BABAM2: variants seen among roughly 807,000 people sequenced by gnomAD.
BABAM2 encodes the protein BRISC and BRCA1 A complex member 2, also known as BRISC and BRCA1-A complex member 2.
In BABAM2, 31 loss-of-function variants were observed where a neutral mutation model predicts 54.7. The ratio of observed to expected loss-of-function variants is 0.57; its 90% CI spans 0.43 to 0.77. The LOEUF is 0.77. BABAM2 is among the 30% of genes least tolerant of loss of function. The pLI, the probability that BABAM2 is intolerant of heterozygous loss-of-function variation, is 0.00. For missense variants in BABAM2, 364 were observed against 455.8 expected, an observed-to-expected ratio of 0.80 and a Z score of 1.83; for synonymous variants, 167 against 162.9, an observed-to-expected ratio of 1.03 and a Z score of -0.19.
intron 6 of BABAM2, among the ~76,000 whole-genome samples, chr2:28,116,473 A>G (rs1668624853): frequency 6.6e-6 from 1 of 152,196 alleles, no homozygotes; most frequent in Admixed American, 6.5e-5. Flanking sequence ...CTTGGAAATA[A>G]CCAATTGCTT....
intron 10 of BABAM2, among the ~76,000 whole-genome samples, chr2:28,295,689 G>C (rs1687628072): frequency 6.6e-6 from 1 of 152,050 alleles, no homozygotes; most frequent in Non-Finnish European, 1.5e-5. Flanking sequence ...TAGAGACGGG[G>C]TTTCACCATG....
intron 7 of BABAM2, among the ~76,000 whole-genome samples, chr2:28,166,341 AG>A (rs1267100942): frequency 6.6e-6 from 1 of 152,064 alleles, no homozygotes; most frequent in Admixed American, 6.5e-5. Flanking sequence ...GGAGCTGCAG[AG>A]GTCTAGGTCA....
At chr2:27,955,433 A>C (rs1670015408) in intron 3 of BABAM2, among the ~76,000 whole-genome samples, 1 of 152,184 alleles carries the variant, frequency 6.6e-6, no homozygotes. Flanking sequence ...AAAAAACTTC[A>C]AACTTTGGCA....
chr2:28,093,355 T>G (rs535448951), intron 6 of BABAM2, among the ~76,000 whole-genome samples: 1 of 152,310 alleles, frequency 6.6e-6, no homozygotes, highest in Admixed American at 6.5e-5. Flanking sequence ...CAGAGTGTCA[T>G]AGCTAGTAAA....
intron 3 of BABAM2, among the ~76,000 whole-genome samples, chr2:27,942,534 ATT>A (rs544430660): frequency 8.8e-5 from 12 of 136,010 alleles, no homozygotes; most frequent in African/African-American, 8.0e-5. Context: ...TAATTTTTGC[ATT>A]TTTTTTTTTT....
chr2:27,993,428 G>C (rs898493419), intron 4 of BABAM2, among the ~76,000 whole-genome samples: 1 of 152,044 alleles, frequency 6.6e-6, no homozygotes, highest in Non-Finnish European at 1.5e-5. Context: ...GAAATTTGGA[G>C]GGATAAAAAT....
At chr2:27,965,518 A>G (rs1670771334) in intron 3 of BABAM2, among the ~76,000 whole-genome samples, 1 of 152,150 alleles carries the variant, frequency 6.6e-6, no homozygotes, top group Admixed American at 6.5e-5. Context: ...ATCCATAAGT[A>G]TTCAGTATGT....
At chr2:28,241,435 C>T (rs1379302433) in intron 9 of BABAM2, 42 bp downstream of exon 9, 11 of 1,574,670 alleles carry the variant, frequency 7.0e-6, no homozygotes, top group Admixed American at 1.7e-5. Context: ...GTGATGCCCT[C>T]GCTTGCTGAT....
intron 11 of BABAM2, among the ~76,000 whole-genome samples, chr2:28,321,892 C>T (rs1690049582): frequency 6.6e-6 from 1 of 151,504 alleles, no homozygotes; most frequent in African/African-American, 2.4e-5. Flanking sequence ...AGCATTGATA[C>T]ATCTGCTTCT....
chr2:27,997,420 G>T (rs537617422), intron 4 of BABAM2, among the ~76,000 whole-genome samples: 24 of 152,150 alleles, frequency 1.6e-4, no homozygotes, highest in Non-Finnish European at 3.5e-4. Context: ...ATTTTATGAA[G>T]TAGGAAGAAA....
At chr2:28,318,297 GCTGC>G (rs1689739710) in intron 11 of BABAM2, among the ~76,000 whole-genome samples, 1 of 152,188 alleles carries the variant, frequency 6.6e-6, no homozygotes, top group African/African-American at 2.4e-5. Context: ...AAGCTATCCA[GCTGC>G]CTGTTTTTAT....
intron 4 of BABAM2, chr2:28,013,428 T>C: frequency 4.4e-6 from 2 of 455,696 alleles, no homozygotes; most frequent in Admixed American, 4.7e-5. Flanking sequence ...TAAAATTTCC[T>C]ATTTTGTTTT....
chr2:27,949,996 A>G (rs1669585385), intron 3 of BABAM2, among the ~76,000 whole-genome samples: 1 of 152,106 alleles, frequency 6.6e-6, no homozygotes, highest in Non-Finnish European at 1.5e-5. Flanking sequence ...GCTTGTGGAG[A>G]TAAATAAGAT....
At chr2:27,989,886 A>G (rs1672660903) in intron 4 of BABAM2, among the ~76,000 whole-genome samples, 1 of 152,196 alleles carries the variant, frequency 6.6e-6, no homozygotes, top group South Asian at 2.1e-4. Flanking sequence ...AATGCTAGAA[A>G]GGATCTTAAG....
chr2:28,081,758 C>A (rs1440530719), intron 6 of BABAM2, among the ~76,000 whole-genome samples: 5 of 152,114 alleles, frequency 3.3e-5, no homozygotes, highest in Non-Finnish European at 5.9e-5. Flanking sequence ...TGAAAAGAGG[C>A]CCATAATTTC....
At chr2:27,985,056 G>GGTGT (rs1672300474) in intron 3 of BABAM2, among the ~76,000 whole-genome samples, 5 of 67,230 alleles carry the variant, frequency 7.4e-5, no homozygotes, top group African/African-American at 2.3e-4. Context: ...AGTATTCCAT[G>GGTGT]ATGTGTGTGT....
At chr2:28,083,017 C>T (rs1156628245) in intron 6 of BABAM2, among the ~76,000 whole-genome samples, 1 of 152,182 alleles carries the variant, frequency 6.6e-6, no homozygotes, top group African/African-American at 2.4e-5. Context: ...CATCCTCTGC[C>T]ATCATCCTCC....
At chr2:27,961,722 C>CTTTTT (rs5830058) in intron 3 of BABAM2, among the ~76,000 whole-genome samples, 1 of 99,090 alleles carries the variant, frequency 1.0e-5, no homozygotes, top group African/African-American at 4.0e-5. Flanking sequence ...CCTTAATTAT[C>CTTTTT]TTTTTTTTTT....
chr2:28,100,558 C>T (rs760755292), intron 6 of BABAM2, among the ~76,000 whole-genome samples: 9 of 151,816 alleles, frequency 5.9e-5, no homozygotes, highest in Non-Finnish European at 1.2e-4. Context: ...CCGTTCCTGC[C>T]GTTGTGAGCA....
Sources: gnomAD v4.1 joint callset for allele counts (sites outside exome capture counted in the v4.1 genomes callset) on GRCh38, gnomAD v4.1.1 for gene constraint, MANE v1.5 for transcripts, NCBI Gene and HGNC (gene_info 2026-07-23, HGNC 2026-07-21) for gene names.